The following SGCD variants were observed in gnomAD, a reference collection of about 807,000 sequenced individuals.
SGCD encodes the protein sarcoglycan delta.
A neutral mutation model predicts 36.6 loss-of-function variants in SGCD; 18 were observed. That is an observed-to-expected ratio of 0.49 (90% CI 0.34 to 0.73). The LOEUF (loss-of-function observed/expected upper bound fraction) is 0.73, where lower values mean the gene tolerates loss of function less well. Ranked by LOEUF, SGCD falls within the 30% of genes least tolerant of loss-of-function variation. The pLI is 0.01. For synonymous variants in SGCD, 133 were observed against 130.6 expected, an observed-to-expected ratio of 1.02 and a Z score of -0.12; for missense variants, 387 against 346.7, an observed-to-expected ratio of 1.12 and a Z score of -0.92.
At chr5:156,247,167 A>G (rs1158058947) in intron 3 of SGCD, among the ~76,000 whole-genome samples, 1 of 152,186 alleles carries the variant, frequency 6.6e-6, no homozygotes, top group Non-Finnish European at 1.5e-5. Flanking sequence ...GCCCTTTTTC[A>G]TATGAATTCT....
intron 1 of SGCD, among the ~76,000 whole-genome samples, chr5:156,101,785 G>A (rs946530963): frequency 1.3e-5 from 2 of 152,098 alleles, no homozygotes; most frequent in Admixed American, 6.6e-5. Context: ...GATAGAAAAT[G>A]TAATGGATAA....
chr5:156,393,185 C>T lies in SGCD; in HGVS notation c.192+48508C>T, dbSNP rs79373916. Among the ~76,000 whole-genome samples the T allele has an allele frequency of 2.0e-3, 301 of 152,234 alleles. 2 individuals carry two copies. Among genetic ancestry groups the T allele is most frequent in the African/African-American group, 6.2e-3 (258 of 41,536 alleles). ...GGGAAACCAAGAGACAGGGACAGGA[C>T]GGACATGCTTGAATAAATGAAATGT... On this transcript the variant is annotated intron_variant, in intron 3 of 8. Transcript: ENST00000337851.
intron 7 of SGCD, among the ~76,000 whole-genome samples, chr5:156,751,210 G>T (rs1757138384): frequency 6.6e-6 from 1 of 152,132 alleles, no homozygotes; most frequent in Admixed American, 6.5e-5. Flanking sequence ...GAGCCATAAA[G>T]GTATGGGAAT....
At chr5:155,981,438 A>G (rs1367759959) in intron 1 of SGCD, among the ~76,000 whole-genome samples, 1 of 152,074 alleles carries the variant, frequency 6.6e-6, no homozygotes, top group African/African-American at 2.4e-5. Context: ...GAGCAGGTTT[A>G]ATCATGTTGT....
chr5:155,914,169 T>A (rs2113362657), intron 1 of SGCD, among the ~76,000 whole-genome samples: 1 of 152,276 alleles, frequency 6.6e-6, no homozygotes, highest in East Asian at 1.9e-4. Context: ...TGTTGTGTCT[T>A]GAATTATTAT....
At position 156,766,791 on chromosome 5, in the gene SGCD, C is replaced by T. The variant is rs961875404; in HGVS notation, c.*7401C>T. ...GCAAAAAGATTAGAAACCATAATGC[C>T]CTTGTTAAAGCCCTGCTGTCAACCT... is the stretch of plus-strand genomic sequence containing the variant. On this transcript the variant is annotated 3_prime_UTR_variant, in exon 9 of 9. Coordinates refer to ENST00000337851, the MANE Select transcript of SGCD (RefSeq NM_000337.6). The T allele has an allele frequency of 2.4e-4, 36 of 151,746 alleles. No homozygotes were observed. The highest frequency in any genetic ancestry group is 2.2e-3 in the Admixed American group (34 of 15,226). The allele number at this position is 151,746 out of a possible 1,614,324, so 9.4% of individuals were successfully genotyped here.
At chr5:156,449,031 C>T (rs1238770638) in intron 3 of SGCD, among the ~76,000 whole-genome samples, 2 of 151,926 alleles carry the variant, frequency 1.3e-5, no homozygotes, top group East Asian at 1.9e-4. Flanking sequence ...TGGGATTACA[C>T]GAATGAGCCA....
chr5:156,425,789 C>T (rs1773647957), intron 3 of SGCD, among the ~76,000 whole-genome samples: 1 of 151,890 alleles, frequency 6.6e-6, no homozygotes, highest in Admixed American at 6.6e-5. Flanking sequence ...TAGCTCCTAC[C>T]TACTAGTGAG....
chr5:156,446,104 GAC>G (rs1172180701), intron 3 of SGCD, among the ~76,000 whole-genome samples: 1 of 152,116 alleles, frequency 6.6e-6, no homozygotes, highest in Non-Finnish European at 1.5e-5. Flanking sequence ...TTGCTGAATA[GAC>G]AAAATGGATC....
At chr5:156,537,665 A>G (rs1315355698) in intron 4 of SGCD, among the ~76,000 whole-genome samples, 1 of 151,948 alleles carries the variant, frequency 6.6e-6, no homozygotes, top group African/African-American at 2.4e-5. Context: ...CTTCATGCCC[A>G]GTTGAAACCA....
At chr5:156,477,685 CAAAA>C (rs11411986) in intron 3 of SGCD, among the ~76,000 whole-genome samples, 3 of 102,162 alleles carry the variant, frequency 2.9e-5, no homozygotes, top group African/African-American at 3.7e-5. Context: ...AGTATTTGAG[CAAAA>C]AAAAAAAAAA....
chr5:156,748,234 G>A (rs564491427), intron 7 of SGCD, among the ~76,000 whole-genome samples: 6 of 152,352 alleles, frequency 3.9e-5, no homozygotes, highest in Admixed American at 1.3e-4. Flanking sequence ...TGTGAATGCA[G>A]AGAAGCATGA....
In SGCD at chr5:155,985,196, T is replaced by C. The variant is rs751603166; in HGVS notation, c.-282+114772T>C. Among the ~76,000 whole-genome samples, 16 of 152,328 alleles carry C rather than the reference T, an allele frequency of 1.1e-4. No homozygotes were observed. The South Asian group carries it at 1.2e-3, about 12-fold the overall frequency. On this transcript the variant is annotated intron_variant, in intron 1 of 9. Coordinates refer to the SGCD transcript ENST00000517913. ...GGTCAGAAGTCTGGGCATAGGATGG[T>C]TCAGCTGGTTCTTTGCTTTGAGTTT...
At chr5:156,420,177 C>T (rs1031404155) in intron 3 of SGCD, among the ~76,000 whole-genome samples, 1 of 152,156 alleles carries the variant, frequency 6.6e-6, no homozygotes, top group East Asian at 1.9e-4. Flanking sequence ...TGAGTCTTCC[C>T]TCTGTAAATA....
intron 1 of SGCD, among the ~76,000 whole-genome samples, chr5:156,030,978 T>C (rs1759338018): frequency 6.6e-6 from 1 of 152,176 alleles, no homozygotes; most frequent in Admixed American, 6.5e-5. Flanking sequence ...AGATTGGTGC[T>C]AGACCATGGG....
At chr5:156,714,391 CAT>C (rs1253956961) in intron 7 of SGCD, among the ~76,000 whole-genome samples, 2 of 152,196 alleles carry the variant, frequency 1.3e-5, no homozygotes, top group African/African-American at 4.8e-5. Flanking sequence ...AGAAGGCTGA[CAT>C]GTGCCTTATA....
chr5:156,514,632 T>C (rs1224051232), intron 4 of SGCD, among the ~76,000 whole-genome samples: 1 of 152,212 alleles, frequency 6.6e-6, no homozygotes, highest in East Asian at 1.9e-4. Flanking sequence ...AAAACCAGCA[T>C]ATAGAATTAT....
the SGCD span, among the ~76,000 whole-genome samples, chr5:155,771,280 G>T: frequency 6.6e-6 from 1 of 151,958 alleles, no homozygotes; most frequent in African/African-American, 2.4e-5. Context: ...ACAGTGCCTT[G>T]TTCTGTCACC....
chr5:155,750,484 T>G, the SGCD span, among the ~76,000 whole-genome samples: 1 of 152,102 alleles, frequency 6.6e-6, no homozygotes, highest in Non-Finnish European at 1.5e-5. Flanking sequence ...AAAGGATGCA[T>G]TTAATTTGGG....
Sources: gnomAD v4.1 joint callset for allele counts (sites outside exome capture counted in the v4.1 genomes callset) on GRCh38, gnomAD v4.1.1 for gene constraint, MANE v1.5 for transcripts, NCBI Gene and HGNC (gene_info 2026-07-23, HGNC 2026-07-21) for gene names.